UGT1A10: variants seen among roughly 807,000 people sequenced by gnomAD.
UGT1A10 encodes UDP-glucuronosyltransferase 1A10.
In UGT1A10, 49 loss-of-function variants were observed where a neutral mutation model predicts 45.8. The ratio of observed to expected loss-of-function variants is 1.07; its 90% CI spans 0.85 to 1.36. The LOEUF (loss-of-function observed/expected upper bound fraction) is 1.36. UGT1A10 is among the 40% of genes most tolerant of loss of function. The pLI is 0.00. For missense variants in UGT1A10, 745 were observed against 668.6 expected (o/e 1.11, Z -1.26); for synonymous variants, 284 against 249.7 (o/e 1.14, Z -1.29).
At chr2:233,660,595 G>C (rs561722545) in intron 1 of UGT1A10, among the ~76,000 whole-genome samples, 25 of 152,214 alleles carry the variant, frequency 1.6e-4, no homozygotes, top group African/African-American at 6.0e-4. Context: ...TCCCTTAAAG[G>C]CTCAAGGATT....
intron 1 of UGT1A10, among the ~76,000 whole-genome samples, chr2:233,651,856 A>T (rs2073750082): frequency 6.6e-6 from 1 of 152,214 alleles, no homozygotes; most frequent in African/African-American, 2.4e-5. Context: ...GATCCTACAT[A>T]GGGGTTTTTC....
intron 1 of UGT1A10, among the ~76,000 whole-genome samples, chr2:233,738,370 A>G (rs1385050475): frequency 1.3e-5 from 2 of 152,228 alleles, no homozygotes; most frequent in African/African-American, 4.8e-5. Flanking sequence ...CTGCTATAAA[A>G]CTACTTGAAA....
At chr2:233,754,769 C>T in intron 1 of UGT1A10, 4 of 1,026,872 alleles carry the variant, frequency 3.9e-6, no homozygotes, top group Non-Finnish European at 5.4e-6. Context: ...CCCCACTTCC[C>T]AGGGAGCCAA....
chr2:233,682,197 A>C, intron 1 of UGT1A10: 1 of 1,614,206 alleles, frequency 6.2e-7, no homozygotes, highest in Non-Finnish European at 8.5e-7. Flanking sequence ...GAGGATCAGG[A>C]CCGGGAGTTC....
intron 1 of UGT1A10, among the ~76,000 whole-genome samples, chr2:233,704,329 A>G (rs1314519852): frequency 2.4e-5 from 3 of 126,880 alleles, no homozygotes; most frequent in Non-Finnish European, 4.8e-5. Context: ...TTTTCTTTCC[A>G]CTATTTAAAA....
intron 1 of UGT1A10, among the ~76,000 whole-genome samples, chr2:233,712,048 G>T (rs1193120711): frequency 6.6e-6 from 1 of 152,226 alleles, no homozygotes; most frequent in Non-Finnish European, 1.5e-5. Flanking sequence ...TTGGAAAAAA[G>T]CCTGACCATA....
At chr2:233,650,054 T>A (rs901238120) in intron 1 of UGT1A10, among the ~76,000 whole-genome samples, 3 of 152,330 alleles carry the variant, frequency 2.0e-5, no homozygotes, top group Non-Finnish European at 4.4e-5. Flanking sequence ...CACCACAACC[T>A]CTGCCTCCTG....
chr2:233,656,555 G>T (rs922680959), intron 1 of UGT1A10, among the ~76,000 whole-genome samples: 8 of 152,182 alleles, frequency 5.3e-5, no homozygotes, highest in African/African-American at 1.9e-4. Flanking sequence ...TTAAGTGTAG[G>T]CGCCCATGAC....
intron 1 of UGT1A10, among the ~76,000 whole-genome samples, chr2:233,666,702 G>C (rs1425061485): frequency 6.6e-6 from 1 of 151,680 alleles, no homozygotes; most frequent in African/African-American, 2.4e-5. Flanking sequence ...ACAATGTGCA[G>C]GTTAGTTACA....
chr2:233,713,763 C>T (rs145951104), intron 1 of UGT1A10: 46 of 1,613,764 alleles, frequency 2.9e-5, no homozygotes, highest in Admixed American at 1.5e-4. Context: ...GTGGCTGTTC[C>T]GAGGGGACTT....
intron 1 of UGT1A10, chr2:233,671,871 C>T: frequency 6.6e-7 from 1 of 1,520,440 alleles, no homozygotes. Context: ...GCTGGTATTT[C>T]TCCCACCTAC....
At chr2:233,691,215 C>T (rs2075032579) in intron 1 of UGT1A10, 1 of 985,604 alleles carries the variant, frequency 1.0e-6, no homozygotes, top group Non-Finnish European at 1.2e-6. Context: ...CCCTTTGCAA[C>T]CTTCCTGGAG....
chr2:233,715,087 T>C (rs2076431912), intron 1 of UGT1A10, among the ~76,000 whole-genome samples: 1 of 152,132 alleles, frequency 6.6e-6, no homozygotes, highest in Non-Finnish European at 1.5e-5. Context: ...AGTTTCATCA[T>C]ATTGGCCAGG....
intron 1 of UGT1A10, chr2:233,719,366 T>C (rs755765177): frequency 3.1e-6 from 5 of 1,613,968 alleles, no homozygotes; most frequent in South Asian, 1.1e-5. Flanking sequence ...ACTTAGACTT[T>C]AAGGGCACAC....
At chr2:233,661,166 CT>C (rs35723461) in intron 1 of UGT1A10, among the ~76,000 whole-genome samples, 1 of 150,970 alleles carries the variant, frequency 6.6e-6, no homozygotes, top group Non-Finnish European at 1.5e-5. Flanking sequence ...TAGTTTCAGA[CT>C]TTTTTTTTCT....
At chr2:233,673,297 C>G (rs770924092) in intron 1 of UGT1A10, among the ~76,000 whole-genome samples, 2 of 152,038 alleles carry the variant, frequency 1.3e-5, no homozygotes, top group African/African-American at 2.4e-5. Flanking sequence ...CTTTATAGAC[C>G]AATACAGACA....
intron 1 of UGT1A10, among the ~76,000 whole-genome samples, chr2:233,680,316 A>G (rs1255597267): frequency 6.6e-6 from 1 of 152,208 alleles, no homozygotes; most frequent in African/African-American, 2.4e-5. Context: ...AATTTACTAG[A>G]GAGAAGAAAC....
chr2:233,689,769 G>A (rs2074957726), intron 1 of UGT1A10: 4 of 306,304 alleles, frequency 1.3e-5, no homozygotes, highest in East Asian at 1.1e-4. Context: ...AAAACAACTC[G>A]GGGACATATG....
rs748749611 is a variant in UGT1A10, at chr2:233,713,227, C to T, written c.856-53807C>T. 53 of 1,614,134 alleles carry T rather than the reference C, an allele frequency of 3.3e-5. 2 individuals are homozygous for T. Among genetic ancestry groups the T allele is most frequent in the Admixed American group, 2.3e-4 (14 of 60,014 alleles). ...GAAGAGAACTTTTTCACCCTGACAA[C>T]GTATGCCATTTCATGGACCCAGGAC... On this transcript the variant is annotated intron_variant, in intron 1 of 4. Coordinates refer to ENST00000344644, the MANE Select transcript of UGT1A10 (RefSeq NM_019075.4).
Sources: allele counts gnomAD v4.1 joint callset (sites outside exome capture counted in the v4.1 genomes callset), GRCh38; gene constraint gnomAD v4.1.1; transcripts MANE v1.5; gene names NCBI Gene and HGNC (gene_info 2026-07-23, HGNC 2026-07-21).